Variants in MIS18BP1 observed in about 807,000 individuals in gnomAD.
MIS18BP1 encodes the protein mis18-binding protein 1.
MIS18BP1 carries 72 observed loss-of-function variants against 116.1 expected under a neutral mutation model. The ratio of observed to expected loss-of-function variants is 0.62; its 90% CI spans 0.51 to 0.75. The LOEUF is 0.75. Among genes scored for constraint, MIS18BP1 ranks in the 30% least tolerant of loss-of-function variants. The pLI, the probability that MIS18BP1 is intolerant of heterozygous loss-of-function variation, is 0.00. For missense variants in MIS18BP1, 1,363 were observed against 1,303.2 expected (o/e 1.05, Z -0.71); for synonymous variants, 386 against 427.0 (o/e 0.90, Z 1.18).
At chr14:45,239,818 C>T (rs1380692108) in intron 4 of MIS18BP1, among the ~76,000 whole-genome samples, 5 of 152,024 alleles carry the variant, frequency 3.3e-5, no homozygotes, top group Admixed American at 6.6e-5. Context: ...GAGAAGAGGC[C>T]GCATTCAGGA....
chr14:45,235,617 A>G (rs1016962124), intron 6 of MIS18BP1, among the ~76,000 whole-genome samples, 197 bp downstream of exon 6: 7 of 151,852 alleles, frequency 4.6e-5, no homozygotes, highest in African/African-American at 1.7e-4. Flanking sequence ...ACAAAAACAC[A>G]TAACTTATTA....
At position 45,226,758 on chromosome 14, in the gene MIS18BP1, T is replaced by C. The variant is rs1369480315; in HGVS notation, c.1825A>G (p.Lys609Glu). 2 of 1,399,564 alleles carry C rather than the reference T, an allele frequency of 1.4e-6. No individual in the cohort carries two copies. Among genetic ancestry groups the C allele is most frequent in the East Asian group, 2.7e-5 (1 of 37,010 alleles). The allele number at this position is 1,399,564 out of a possible 1,614,324, so 86.7% of individuals were successfully genotyped here. Residue 609 changes from lysine (K) to glutamate (E), a missense_variant, in exon 10 of 17, where the codon AAA (lysine) becomes GAA (glutamate). Transcript: ENST00000310806. ...IGERTNERII[K>E]SQKQETTEEL... ...GATATATTACCTTGCTTCTGACTTT[T>C]TATTATCCTTTCATTTGTTCTTTCA...
intron 4 of MIS18BP1, among the ~76,000 whole-genome samples, chr14:45,241,052 G>A (rs1184965160): frequency 3.9e-5 from 6 of 152,200 alleles, no homozygotes; most frequent in African/African-American, 1.2e-4. Context: ...TAAGTGGGAG[G>A]ATTGCTTGAG....
chr14:45,245,859 T>C (rs184263065), intron 2 of MIS18BP1, among the ~76,000 whole-genome samples: 70 of 152,344 alleles, frequency 4.6e-4, no homozygotes, highest in African/African-American at 1.5e-3. Context: ...AACTAGTTTT[T>C]TCCAACACCC....
intron 13 of MIS18BP1, among the ~76,000 whole-genome samples, chr14:45,213,106 A>G (rs1423095804): frequency 6.6e-6 from 1 of 152,154 alleles, no homozygotes; most frequent in Non-Finnish European, 1.5e-5. Context: ...GTCTCCCTAT[A>G]TTGCCCAGGC....
At chr14:45,233,957 C>T (rs1224532616) in intron 6 of MIS18BP1, among the ~76,000 whole-genome samples, 3 of 152,064 alleles carry the variant, frequency 2.0e-5, no homozygotes, top group Non-Finnish European at 4.4e-5. Flanking sequence ...AAGGAATCAG[C>T]ATACCACGCA....
At position 45,204,436 on chromosome 14, in the gene MIS18BP1, T is replaced by C; in HGVS notation, c.3258A>G (p.Ser1086=). The change falls in exon 16 of 17, where the codon TCA becomes TCG. Residue 1086 remains serine, a synonymous_variant. Transcript: ENST00000310806. The stretch of plus-strand genomic sequence containing the variant: ...GGGTTTTCCTTCTTGGTGTTGGAGT[T>C]GAGAAATCAGTTTCAACCTATAAAA... ...IKKKLVETDF[S]TPTPRRKTPF... 6.2e-7 allele frequency: 1 copy of C among 1,604,834 alleles called. No individual in the cohort carries two copies. The highest frequency in any genetic ancestry group is 8.5e-7 in the Non-Finnish European group (1 of 1,176,798).
At chr14:45,249,137 G>A (rs1174070163) in intron 1 of MIS18BP1, among the ~76,000 whole-genome samples, 1 of 151,968 alleles carries the variant, frequency 6.6e-6, no homozygotes, top group African/African-American at 2.4e-5. Flanking sequence ...TGTTGCCCAG[G>A]CTGGAGTGCA....
Position 45,227,692 on chromosome 14 carries a change from T to C in MIS18BP1, c.1717A>G (p.Asn573Asp), listed in dbSNP as rs778641941. Residue 573 changes from asparagine to aspartate, a missense_variant, in exon 9 of 17, where the codon AAT becomes GAT. Transcript: ENST00000310806. ...PDDQVNNTIQNGGGDDLSNQE... is the reference protein window; with the variant it reads ...PDDQVNNTIQDGGGDDLSNQE... The stretch of plus-strand genomic sequence containing the variant: ...TTAGATAAGTCATCTCCTCCTCCAT[T>C]TTGAATAGTATTATTTACTTGGTCA... 1 of 1,613,660 alleles carries C rather than the reference T, an allele frequency of 6.2e-7. No individual in the cohort carries two copies. The highest frequency in any genetic ancestry group is 8.5e-7 in the Non-Finnish European group (1 of 1,179,596).
intron 11 of MIS18BP1, among the ~76,000 whole-genome samples, chr14:45,222,302 TCTC>T (rs1020132935): frequency 6.6e-6 from 1 of 152,164 alleles, no homozygotes; most frequent in Non-Finnish European, 1.5e-5. Context: ...ATCCTCCACT[TCTC>T]TTCTTCTTTG....
At chr14:45,234,351 T>C (rs756523081) in intron 6 of MIS18BP1, among the ~76,000 whole-genome samples, 3 of 131,140 alleles carry the variant, frequency 2.3e-5, no homozygotes, top group Non-Finnish European at 3.3e-5. Context: ...AAAAGAGAAA[T>C]AAAAAAAAAA....
At position 45,218,444 on chromosome 14, in the gene MIS18BP1, A is replaced by G. The variant is rs144317902; in HGVS notation, c.2680T>C (p.Ser894Pro). 2.9e-4 allele frequency: 472 copies of G among 1,603,212 alleles called. No individual in the cohort carries two copies. In the African/African-American group the frequency reaches 5.2e-3, roughly 18 times the overall value. The change falls in exon 12 of 17, where the codon TCT becomes CCT. Residue 894 changes from serine to proline, a missense_variant. Coordinates refer to ENST00000310806, the MANE Select transcript of MIS18BP1 (RefSeq NM_018353.5). Reference sequence around the variant, plus strand: ...AAACCAGGTTTGTGCTTTGGAAGAGATGCAAAAGCACTATGGAAGATCAAA... The same window carrying G: ...AAACCAGGTTTGTGCTTTGGAAGAGGTGCAAAAGCACTATGGAAGATCAAA... ...ELQKLHCAFA[S>P]LPKHKPGFWS...
chr14:45,235,389 G>C (rs1467941259), intron 6 of MIS18BP1, among the ~76,000 whole-genome samples: 1 of 151,584 alleles, frequency 6.6e-6, no homozygotes, highest in Non-Finnish European at 1.5e-5. Context: ...GTTGGAAGTG[G>C]TCATGCACAG....
intron 13 of MIS18BP1, among the ~76,000 whole-genome samples, chr14:45,211,573 G>T (rs1676888357): frequency 6.6e-6 from 1 of 152,202 alleles, no homozygotes; most frequent in African/African-American, 2.4e-5. Flanking sequence ...TGCTGGCACA[G>T]ATAATAAAAC....
Position 45,242,099 on chromosome 14 carries a change from T to C in MIS18BP1, c.1078A>G (p.Asn360Asp). 1.2e-6 allele frequency: 2 copies of C among 1,613,942 alleles called. No homozygotes were observed. Among genetic ancestry groups the C allele is most frequent in the Non-Finnish European group, 1.7e-6 (2 of 1,179,916 alleles). Residue 360 changes from asparagine to aspartate, a missense_variant, in exon 4 of 17, where the codon AAT becomes GAT. Asn to Asp is a conservative substitution (Grantham distance 23). Coordinates refer to ENST00000310806, the MANE Select transcript of MIS18BP1 (RefSeq NM_018353.5). ...HITIPRRSKR[N>D]ISKLSPPRIF... The stretch of plus-strand genomic sequence containing the variant: ...CTTGGAGGAGAAAGCTTTGAAATAT[T>C]TCTTTTTGACCTCCGAGGTATTGTT...
chr14:45,247,432 A>C, intron 1 of MIS18BP1, 55 bp from the exon 2 acceptor site: 1 of 610,412 alleles, frequency 1.6e-6, no homozygotes, highest in Non-Finnish European at 2.7e-6. Context: ...AAAATGTTTA[A>C]AGTTTATTTG....
At chr14:45,237,232 C>T (rs1056575428) in intron 5 of MIS18BP1, among the ~76,000 whole-genome samples, 2 of 151,996 alleles carry the variant, frequency 1.3e-5, no homozygotes, top group South Asian at 2.1e-4. Context: ...AATATGTAGC[C>T]GTATGGCAAA....
At position 45,203,637 on chromosome 14, in the gene MIS18BP1, G is replaced by A. The variant is rs1228176060; in HGVS notation, c.*472C>T. 6.6e-6 allele frequency: 1 copy of A among 152,238 alleles called. No homozygotes were observed. The highest frequency in any genetic ancestry group is 2.4e-5 in the African/African-American group (1 of 41,422). The allele number at this position is 152,238 out of a possible 1,614,324, so 9.4% of individuals were successfully genotyped here. A position where few individuals can be genotyped will look rare whatever the true frequency, so the allele number is the denominator to read the frequency against. ...AATGTGTAATTTAAACATTAGGTTT[G>A]GATAACAACTGGTAACAAATCCTAC... On this transcript the variant is annotated 3_prime_UTR_variant, in exon 17 of 17. Transcript: ENST00000310806.
At chr14:45,224,855 G>A (rs1051940084) in intron 10 of MIS18BP1, 109 bp from the exon 11 acceptor site, 10 of 823,112 alleles carry the variant, frequency 1.2e-5, no homozygotes, top group East Asian at 5.4e-5. Flanking sequence ...TTTTATCCAC[G>A]AGCTACACTG....
Sources: gnomAD v4.1 joint callset for allele counts (sites outside exome capture counted in the v4.1 genomes callset) on GRCh38, gnomAD v4.1.1 for gene constraint, MANE v1.5 for transcripts, NCBI Gene and HGNC (gene_info 2026-07-23, HGNC 2026-07-21) for gene names.